The following LYST variants were observed in gnomAD, a reference collection of about 807,000 sequenced individuals.
The protein encoded by LYST is lysosomal trafficking regulator, also known as lysosomal-trafficking regulator.
In LYST, 192 loss-of-function variants were observed where a neutral mutation model predicts 413.6. That is an observed-to-expected ratio of 0.46 (90% CI 0.41 to 0.52). LYST has a LOEUF of 0.52. Ranked by LOEUF, LYST falls within the 20% of genes least tolerant of loss-of-function variation. The probability of loss-of-function intolerance (pLI) is 0.00; values close to 1 mark genes in which losing one functional copy is unlikely to be tolerated. For synonymous variants in LYST, 1,525 were observed against 1,567.3 expected, an observed-to-expected ratio of 0.97 and a Z score of 0.64; for missense variants, 3,815 against 4,499.9, an observed-to-expected ratio of 0.85 and a Z score of 4.35.
chr1:235,812,660 C>T (rs1273096320), intron 4 of LYST, among the ~76,000 whole-genome samples: 1 of 152,084 alleles, frequency 6.6e-6, no homozygotes, highest in Admixed American at 6.5e-5. Flanking sequence ...CTTTTCACTT[C>T]CAACTTTTCA....
intron 3 of LYST, among the ~76,000 whole-genome samples, chr1:235,818,984 G>A (rs989333541): frequency 2.6e-5 from 4 of 152,188 alleles, no homozygotes; most frequent in African/African-American, 9.7e-5. Flanking sequence ...CAAGATTGCT[G>A]TTCTCCCCCT....
chr1:235,818,081 C>G (rs1193867330), intron 3 of LYST, among the ~76,000 whole-genome samples: 2 of 152,046 alleles, frequency 1.3e-5, no homozygotes, highest in Non-Finnish European at 1.5e-5. Flanking sequence ...ATTTTTGTCA[C>G]TTCATGATTA....
chr1:235,685,886 C>G (rs1019512746), intron 48 of LYST, among the ~76,000 whole-genome samples: 2 of 150,396 alleles, frequency 1.3e-5, no homozygotes, highest in Non-Finnish European at 3.0e-5. Context: ...AAAAAGAAAA[C>G]GAAGAACCTG....
chr1:235,827,676 A>T, intron 3 of LYST: 1 of 983,180 alleles, frequency 1.0e-6, no homozygotes, highest in Non-Finnish European at 1.2e-6. Context: ...AGGCACATCT[A>T]CTGTTCCTAC....
At chr1:235,711,487 A>C (rs1169417552) in intron 43 of LYST, among the ~76,000 whole-genome samples, 2 of 152,218 alleles carry the variant, frequency 1.3e-5, no homozygotes, top group Non-Finnish European at 2.9e-5. Context: ...TTATAGAATT[A>C]AGTAATATAA....
intron 47 of LYST, among the ~76,000 whole-genome samples, chr1:235,691,073 C>T (rs898961546): frequency 8.5e-5 from 13 of 152,050 alleles, no homozygotes; most frequent in Admixed American, 2.6e-4. Flanking sequence ...CCCGCCACCA[C>T]GCCCAGCTAA....
At chr1:235,693,313 TTAAAAA>T in intron 47 of LYST, 31 bp downstream of exon 47, 1 of 1,495,708 alleles carries the variant, frequency 6.7e-7, no homozygotes, top group South Asian at 1.2e-5. Flanking sequence ...AGACTCCGTC[TTAAAAA>T]TAAATAAATA....
At chr1:235,872,720 G>C (rs1680989308) in intron 1 of LYST, among the ~76,000 whole-genome samples, 1 of 152,094 alleles carries the variant, frequency 6.6e-6, no homozygotes, top group Admixed American at 6.6e-5. Context: ...TTCGAGACCA[G>C]CCTGGCCAAC....
chr1:235,700,651 T>C (rs1044544729), intron 45 of LYST, among the ~76,000 whole-genome samples: 2 of 152,306 alleles, frequency 1.3e-5, no homozygotes, highest in African/African-American at 4.8e-5. Context: ...AGAAGCAGTA[T>C]GGTGTCGAAA....
intron 50 of LYST, among the ~76,000 whole-genome samples, chr1:235,665,680 C>G (rs1658387817): frequency 6.7e-6 from 1 of 150,200 alleles, no homozygotes; most frequent in Admixed American, 6.6e-5. Context: ...TAAAAATTAC[C>G]TGAGTTAAAA....
At chr1:235,797,387 C>T (rs1251287113) in intron 10 of LYST, among the ~76,000 whole-genome samples, 1 of 152,156 alleles carries the variant, frequency 6.6e-6, no homozygotes. Flanking sequence ...AATTATAAAT[C>T]ATGTTGACAA....
intron 39 of LYST, among the ~76,000 whole-genome samples, chr1:235,721,872 CA>C (rs1663397715): frequency 6.6e-6 from 1 of 152,140 alleles, no homozygotes; most frequent in South Asian, 2.1e-4. Context: ...TGGAACTTAA[CA>C]AAGTAAAGAC....
intron 4 of LYST, among the ~76,000 whole-genome samples, chr1:235,811,654 T>TA (rs1157081423): frequency 6.6e-6 from 1 of 152,048 alleles, no homozygotes; most frequent in Non-Finnish European, 1.5e-5. Flanking sequence ...AAGAGCTATA[T>TA]AAAAAAGTAG....
At chr1:235,757,046 A>G (rs1330753509) in intron 24 of LYST, among the ~76,000 whole-genome samples, 1 of 152,114 alleles carries the variant, frequency 6.6e-6, no homozygotes, top group East Asian at 1.9e-4. Context: ...GGGGGACTTA[A>G]AGCTGGATGA....
chr1:235,860,752 T>C (rs1277677415), intron 1 of LYST, among the ~76,000 whole-genome samples: 3 of 152,194 alleles, frequency 2.0e-5, no homozygotes. Flanking sequence ...CCAACATATG[T>C]GTACACCCAT....
rs533115451 is a variant in LYST, at chr1:235,812,840, A to G, written c.283+131T>C. The stretch of plus-strand genomic sequence containing the variant: ...AATGTGTTTGCCTAAATAATTTTTC[A>G]TATTTAGTATGAATAAATCACAATA... On this transcript the variant is annotated intron_variant, in intron 4 of 52. Coordinates refer to ENST00000389793, the MANE Select transcript of LYST (RefSeq NM_000081.4). 3 of 689,588 alleles carry G rather than the reference A, an allele frequency of 4.4e-6. No individual in the cohort carries two copies. The Admixed American group carries it at 7.1e-5, about 16-fold the overall frequency. 42.7% of individuals were successfully genotyped at this position (689,588 alleles called of 1,614,324 possible).
intron 46 of LYST, among the ~76,000 whole-genome samples, chr1:235,694,775 G>T (rs1660953448): frequency 6.6e-6 from 1 of 151,784 alleles, no homozygotes; most frequent in Non-Finnish European, 1.5e-5. Context: ...ATGATGCCTG[G>T]CATGCAGCAA....
chr1:235,835,100 T>TGG (rs112045100), intron 1 of LYST, among the ~76,000 whole-genome samples: 2,709 of 146,446 alleles, frequency 0.018, 86 homozygotes, highest in African/African-American at 0.06. Flanking sequence ...GTATTTTTAA[T>TGG]GGGGGGGGGT....
At chr1:235,797,187 T>C (rs1011106607) in intron 10 of LYST, among the ~76,000 whole-genome samples, 1 of 152,056 alleles carries the variant, frequency 6.6e-6, no homozygotes, top group African/African-American at 2.4e-5. Context: ...GCATTATACA[T>C]AGTAGCAAAA....
Sources: allele counts gnomAD v4.1 joint callset (sites outside exome capture counted in the v4.1 genomes callset), GRCh38; gene constraint gnomAD v4.1.1; transcripts MANE v1.5; gene names NCBI Gene and HGNC (gene_info 2026-07-23, HGNC 2026-07-21).